Variants in SMTN observed in about 807,000 individuals in gnomAD.
SMTN encodes smoothelin.
A neutral mutation model predicts 102.0 loss-of-function variants in SMTN; 58 were observed. The observed-to-expected ratio is 0.57, with a 90% CI of 0.46 to 0.71. The LOEUF (loss-of-function observed/expected upper bound fraction) is 0.71, where lower values mean the gene tolerates loss of function less well. SMTN is among the 30% of genes least tolerant of loss of function. The pLI, the probability that SMTN is intolerant of heterozygous loss-of-function variation, is 0.00. For synonymous variants in SMTN, 478 were observed against 497.9 expected (o/e 0.96, Z 0.53); for missense variants, 1,185 against 1,241.7 (o/e 0.95, Z 0.69).
At position 31,088,421 on chromosome 22, in the gene SMTN, T is replaced by TA; in HGVS notation, c.201-92_201-91insA. 18 of 1,139,780 alleles carry TA rather than the reference T, an allele frequency of 1.6e-5. No homozygotes were observed. The Admixed American group carries it at 1.7e-4, about 11-fold the overall frequency. The allele number at this position is 1,139,780 out of a possible 1,614,324, so 70.6% of individuals were successfully genotyped here. On this transcript the variant is annotated intron_variant, in intron 3 of 20. Coordinates refer to ENST00000333137, the MANE Select transcript of SMTN (RefSeq NM_134269.3). ...ACAGCCACATGCCCTTCTGCCAAGG[T>TA]TCTGGGTACTCTGTTCTGGCTCCTA...
chr22:31,096,917 C>T lies in SMTN; in HGVS notation c.2026+20C>T, dbSNP rs368134173. On this transcript the variant is annotated intron_variant, in intron 14 of 20. Coordinates refer to ENST00000333137, the MANE Select transcript of SMTN (RefSeq NM_134269.3). ...ACTCCAGTAAGGGGCCAAATGGGGCCGGCCCAGGGCTCAGGGTGGGAACAC... is the reference window on the plus strand; with the variant it reads ...ACTCCAGTAAGGGGCCAAATGGGGCTGGCCCAGGGCTCAGGGTGGGAACAC... The T allele has an allele frequency of 6.8e-5, 109 of 1,606,502 alleles. No homozygotes were observed. Among genetic ancestry groups the T allele is most frequent in the Non-Finnish European group, 8.6e-5 (101 of 1,175,406 alleles).
chr22:31,099,949 T>TCGGGAC, intron 19 of SMTN, 53 bp downstream of exon 19: 1 of 1,579,730 alleles, frequency 6.3e-7, no homozygotes, highest in African/African-American at 1.3e-5. Context: ...GGGCTGGACA[T>TCGGGAC]CGGGACCAGG....
At chr22:31,084,144 A>G (rs2042500414) in intron 2 of SMTN, among the ~76,000 whole-genome samples, 1 of 151,972 alleles carries the variant, frequency 6.6e-6, no homozygotes, top group South Asian at 2.1e-4. Flanking sequence ...AGCCCTGTCT[A>G]CCTCCATGCA....
At position 31,089,766 on chromosome 22, in the gene SMTN, C is replaced by T. The variant is rs1417565111; in HGVS notation, c.539C>T (p.Thr180Ile). ...VSKPTPTPEG[T>I]SQDVTTVTLL... The stretch of plus-strand genomic sequence containing the variant: ...AAGCCAACCCCCACCCCTGAAGGCA[C>T]CAGCCAGGATGTGACCACAGTGACA... The change falls in exon 7 of 21, where the codon ACC (threonine) becomes ATC (isoleucine). Residue 180 changes from threonine (T) to isoleucine (I), a missense_variant. Coordinates refer to ENST00000333137, the MANE Select transcript of SMTN (RefSeq NM_134269.3). 21 of 1,612,358 alleles carry T rather than the reference C, an allele frequency of 1.3e-5. No homozygotes were observed. Among genetic ancestry groups the T allele is most frequent in the Non-Finnish European group, 1.6e-5 (19 of 1,179,950 alleles).
intron 15 of SMTN, 77 bp from the exon 16 acceptor site, chr22:31,097,192 C>T: frequency 6.6e-7 from 1 of 1,505,214 alleles, no homozygotes; most frequent in Non-Finnish European, 9.2e-7. Flanking sequence ...TATCACCACC[C>T]CTCCATACAG....
intron 17 of SMTN, 56 bp from the exon 18 acceptor site, chr22:31,099,006 C>A: frequency 6.4e-7 from 1 of 1,557,980 alleles, no homozygotes. Flanking sequence ...CTGGGTGGGC[C>A]CACCGAGGCA....
chr22:31,085,684 C>A (rs1489427011), intron 2 of SMTN, among the ~76,000 whole-genome samples: 1 of 152,210 alleles, frequency 6.6e-6, no homozygotes, highest in Non-Finnish European at 1.5e-5. Flanking sequence ...CCTTACACAG[C>A]GGTGGGGCCT....
At chr22:31,079,758 C>T (rs2042222429), upstream of SMTN, among the ~76,000 whole-genome samples, 1 of 152,144 alleles carries the variant, frequency 6.6e-6, no homozygotes, top group Admixed American at 6.5e-5. Context: ...TCTTCTGTGC[C>T]TTGATTTTCT....
chr22:31,065,102 C>G (rs1016064112), intron 1 of SMTN: 1 of 151,956 alleles, frequency 6.6e-6, no homozygotes, highest in African/African-American at 2.4e-5. Flanking sequence ...TTAGATTGAG[C>G]TTATGCACTT....
At position 31,091,778 on chromosome 22, in the gene SMTN, G is replaced by A. The variant is rs370048061; in HGVS notation, c.1563G>A (p.Leu521=). 6 of 1,610,114 alleles carry A rather than the reference G, an allele frequency of 3.7e-6. No individual in the cohort carries two copies. The African/African-American group carries it at 6.7e-5, about 18-fold the overall frequency. Residue 521 remains leucine, a synonymous_variant, in exon 11 of 21, where the codon CTG becomes CTA. Transcript: ENST00000333137. The part of the protein sequence containing the change: ...RVNSPGTLAR[L]GSVTHVTSFS... ...ACAGCCCTGGGACCCTGGCTCGGCT[G>A]GGCAGTGTCACTCATGTCACCAGCT... is the stretch of plus-strand genomic sequence containing the variant.
Position 31,071,893 on chromosome 22 carries a change from G to A in SMTN, c.-386+7706G>A, listed in dbSNP as rs569431476. Among the ~76,000 whole-genome samples, 354 of 151,682 alleles carry A rather than the reference G, an allele frequency of 2.3e-3. 2 individuals carry two copies. The highest frequency in any genetic ancestry group is 8.3e-3 in the African/African-American group (344 of 41,350). Reference sequence around the variant, plus strand: ...GTATTTTTTGTAGAGATGGGGTTTTGCCATGTTGCCCAGGCTGGTCTCGAA... The same window carrying A: ...GTATTTTTTGTAGAGATGGGGTTTTACCATGTTGCCCAGGCTGGTCTCGAA... On this transcript the variant is annotated intron_variant, in intron 1 of 3. Transcript: ENST00000422839.
At chr22:31,081,313 T>A (rs967474611), upstream of SMTN, 1 of 152,042 alleles carries the variant, frequency 6.6e-6, no homozygotes, top group South Asian at 2.1e-4. Context: ...GACGGGCAGC[T>A]CTCCGCAGAA....
chr22:31,104,387 A>G lies in SMTN; in HGVS notation c.*92A>G, dbSNP rs1354192708. The G allele has an allele frequency of 1.9e-6, 3 of 1,614,154 alleles. No homozygotes were observed. The highest frequency in any genetic ancestry group is 2.5e-6 in the Non-Finnish European group (3 of 1,180,026). On this transcript the variant is annotated 3_prime_UTR_variant, in exon 21 of 21. Coordinates refer to ENST00000333137, the MANE Select transcript of SMTN (RefSeq NM_134269.3). ...ATCATGGGCAAGAAGCCTGACCCCA[A>G]GTGTGTCTTCACCTATGTGCAGTCG...
chr22:31,099,646 G>C, intron 18 of SMTN, 99 bp from the exon 19 acceptor site: 1 of 1,349,940 alleles, frequency 7.4e-7, no homozygotes, highest in South Asian at 1.4e-5. Flanking sequence ...GGGCCTCTTT[G>C]TGCCCAGTGC....
chr22:31,096,242 G>C (rs1244951198), intron 13 of SMTN: 1 of 161,168 alleles, frequency 6.2e-6, no homozygotes, highest in African/African-American at 2.4e-5. Context: ...TTCTCTCCCA[G>C]CTACTCTTCC....
chr22:31,098,699 G>A lies in SMTN; in HGVS notation c.2192G>A (p.Arg731Gln). Residue 731 changes from arginine to glutamine, a missense_variant, in exon 17 of 21, where the codon CGG becomes CAG. By Grantham distance (43) the Arg-to-Gln change is conservative. Coordinates refer to ENST00000333137, the MANE Select transcript of SMTN (RefSeq NM_134269.3). ...GACCGCGAGGACCAGGCCAGCCCAC[G>A]GGCCGGCAGCCTGGCGGCGCTCGAG... ...IFDREDQASP[R>Q]AGSLAALEKR... 1 of 1,613,526 alleles carries A rather than the reference G, an allele frequency of 6.2e-7. No individual in the cohort carries two copies. Among genetic ancestry groups the A allele is most frequent in the Non-Finnish European group, 8.5e-7 (1 of 1,179,920 alleles).
Position 31,091,376 on chromosome 22 carries a change from C to T in SMTN, c.1353C>T (p.Ala451=), listed in dbSNP as rs565697230. The T allele has an allele frequency of 2.7e-5, 43 of 1,602,530 alleles. No homozygotes were observed. The highest frequency in any genetic ancestry group is 3.4e-5 in the Admixed American group (2 of 58,734). The change falls in exon 10 of 21, where the codon GCC becomes GCT. Residue 451 remains alanine (A), a synonymous_variant. Transcript: ENST00000333137. ...GAPLPVAVGT[A]EPGGSMKTTF... ...CGCTGCCCGTGGCCGTCGGCACTGC[C>T]GAGCCAGGGGGCAGTATGAAGACCA...
chr22:31,098,863 G>A, intron 17 of SMTN, 23 bp downstream of exon 17: 1 of 1,554,462 alleles, frequency 6.4e-7, no homozygotes. Flanking sequence ...AGTGGGCTGG[G>A]CAGTGGGGGG....
rs756132931 is a variant in SMTN, at chr22:31,091,412, C to T, written c.1389C>T (p.Ile463=). The change falls in exon 10 of 21, where the codon ATC becomes ATT. Residue 463 remains isoleucine, a synonymous_variant. Transcript: ENST00000333137. ...GCAGTATGAAGACCACATTCACCAT[C>T]GAGATCAAGGACGGCCGTGGCCAGG... is the stretch of plus-strand genomic sequence containing the variant. ...PGGSMKTTFT[I]EIKDGRGQAS... The T allele has an allele frequency of 7.0e-6, 11 of 1,572,302 alleles. No individual in the cohort carries two copies. Among genetic ancestry groups the T allele is most frequent in the Admixed American group, 3.8e-5 (2 of 53,202 alleles).
Sources: allele counts gnomAD v4.1 joint callset (sites outside exome capture counted in the v4.1 genomes callset), GRCh38; gene constraint gnomAD v4.1.1; transcripts MANE v1.5; gene names NCBI Gene and HGNC (gene_info 2026-07-23, HGNC 2026-07-21).